The following CAMTA1 variants were observed in gnomAD, a reference collection of about 807,000 sequenced individuals.
The protein encoded by CAMTA1 is calmodulin-binding transcription activator 1.
CAMTA1 carries 27 observed loss-of-function variants against 170.9 expected under a neutral mutation model. The observed-to-expected ratio is 0.16, with a 90% CI of 0.12 to 0.22. CAMTA1 has a LOEUF of 0.22. CAMTA1 is among the 10% of genes least tolerant of loss of function. The probability of loss-of-function intolerance (pLI) is 1.00; values close to 1 mark genes in which losing one functional copy is unlikely to be tolerated. For synonymous variants in CAMTA1, 833 were observed against 891.5 expected (o/e 0.93, Z 1.17); for missense variants, 1,619 against 2,217.2 (o/e 0.73, Z 5.42).
At chr1:7,202,385 T>A (rs908555339) in intron 4 of CAMTA1, among the ~76,000 whole-genome samples, 2 of 152,202 alleles carry the variant, frequency 1.3e-5, no homozygotes, top group Non-Finnish European at 2.9e-5. Flanking sequence ...TACAGTTTCA[T>A]ATGAATTTTA....
At position 6,970,390 on chromosome 1, in the gene CAMTA1, C is replaced by T. The variant is rs1457588133; in HGVS notation, c.235-120914C>T. On this transcript the variant is annotated intron_variant, in intron 3 of 22. Coordinates refer to ENST00000303635, the MANE Select transcript of CAMTA1 (RefSeq NM_015215.4). This position sits in a 1 kb window ranked among gnomAD's most constrained non-coding sequence, Gnocchi z 4.4. ...CGTGGAGTGCTCACAGACAGCATTC[C>T]AGGAGGCGGAATGGGTGGCAGGGAG... Among the ~76,000 whole-genome samples the T allele has an allele frequency of 6.6e-6, 1 of 152,072 alleles. No individual in the cohort carries two copies. Among genetic ancestry groups the T allele is most frequent in the African/African-American group, 2.4e-5 (1 of 41,386 alleles).
At chr1:7,613,327 C>G (rs2095536347) in intron 6 of CAMTA1, among the ~76,000 whole-genome samples, 1 of 152,178 alleles carries the variant, frequency 6.6e-6, no homozygotes, top group Admixed American at 6.5e-5. Flanking sequence ...CAGCACTGTG[C>G]TGAGTGAGAT....
intron 6 of CAMTA1, among the ~76,000 whole-genome samples, chr1:7,594,762 A>G (rs1176984008): frequency 6.6e-6 from 1 of 152,238 alleles, no homozygotes; most frequent in Non-Finnish European, 1.5e-5. Context: ...AGAGCAACAC[A>G]TGGATTCAGA....
intron 5 of CAMTA1, among the ~76,000 whole-genome samples, chr1:7,421,028 G>A (rs1196412315): frequency 6.6e-6 from 1 of 152,246 alleles, no homozygotes; most frequent in East Asian, 1.9e-4. Flanking sequence ...CCTGAGAAAA[G>A]CAGGTGCTGC....
intron 5 of CAMTA1, among the ~76,000 whole-genome samples, chr1:7,446,176 G>T (rs1451891235): frequency 7.5e-6 from 1 of 132,602 alleles, no homozygotes; most frequent in Non-Finnish European, 1.5e-5. Context: ...TTAAAACTCT[G>T]CTGTGAAAAA....
intron 6 of CAMTA1, among the ~76,000 whole-genome samples, chr1:7,538,369 A>G (rs1420204358): frequency 6.6e-6 from 1 of 152,230 alleles, no homozygotes; most frequent in Non-Finnish European, 1.5e-5. Context: ...CATTAAAAAA[A>G]AAATACCCAG....
At chr1:6,879,725 C>T (rs965930554) in intron 3 of CAMTA1, among the ~76,000 whole-genome samples, 3 of 151,350 alleles carry the variant, frequency 2.0e-5, no homozygotes, top group African/African-American at 7.3e-5. Context: ...AACTCCTAGG[C>T]CCAAGCAGGC....
At chr1:6,994,816 C>T (rs1477501726) in intron 3 of CAMTA1, among the ~76,000 whole-genome samples, 3 of 152,054 alleles carry the variant, frequency 2.0e-5, no homozygotes, top group Non-Finnish European at 2.9e-5. Flanking sequence ...TACAGGCGTG[C>T]ACCACCATGC....
At chr1:7,614,198 G>T (rs916751102) in intron 6 of CAMTA1, among the ~76,000 whole-genome samples, 11 of 152,086 alleles carry the variant, frequency 7.2e-5, no homozygotes, top group African/African-American at 2.4e-4. Flanking sequence ...CTGAGTCCAG[G>T]TCAGGTTTGG....
At chr1:6,809,000 G>A (rs1266087703) in intron 1 of CAMTA1, among the ~76,000 whole-genome samples, 1 of 151,620 alleles carries the variant, frequency 6.6e-6, no homozygotes, top group African/African-American at 2.4e-5. Flanking sequence ...GGCTGCAAAG[G>A]TACCACTGTT....
chr1:7,469,957 C>T (rs954448048), intron 6 of CAMTA1, among the ~76,000 whole-genome samples: 18 of 152,240 alleles, frequency 1.2e-4, no homozygotes, highest in Admixed American at 3.9e-4. Flanking sequence ...CCTCCGTATG[C>T]TGGAGGCATA....
intron 6 of CAMTA1, among the ~76,000 whole-genome samples, chr1:7,469,924 T>A (rs965511728): frequency 2.0e-5 from 3 of 152,204 alleles, no homozygotes; most frequent in Non-Finnish European, 4.4e-5. Flanking sequence ...CAGCCCTCCC[T>A]CACTGGCGCT....
chr1:6,974,352 A>G (rs1355008653), intron 3 of CAMTA1, among the ~76,000 whole-genome samples: 2 of 152,238 alleles, frequency 1.3e-5, no homozygotes, highest in Non-Finnish European at 2.9e-5. Flanking sequence ...CACTTGGACC[A>G]ATAATTCTGC....
At chr1:7,428,805 T>C (rs914000880) in intron 5 of CAMTA1, among the ~76,000 whole-genome samples, 1 of 151,918 alleles carries the variant, frequency 6.6e-6, no homozygotes, top group Non-Finnish European at 1.5e-5. Flanking sequence ...GGCCTTTGCA[T>C]ATTGGTTTCG....
intron 1 of CAMTA1, among the ~76,000 whole-genome samples, chr1:6,795,145 A>G (rs1392217603): frequency 6.6e-6 from 1 of 152,168 alleles, no homozygotes; most frequent in Admixed American, 6.5e-5. Flanking sequence ...AGACACAACT[A>G]GTCATCACCT....
At chr1:7,011,363 A>C (rs1699757267) in intron 3 of CAMTA1, among the ~76,000 whole-genome samples, 1 of 152,020 alleles carries the variant, frequency 6.6e-6, no homozygotes, top group Non-Finnish European at 1.5e-5. Flanking sequence ...TAACTACTTT[A>C]AAAAACCCTT....
rs1470645051 is a variant in CAMTA1 at position 6,899,550 on chromosome 1, GCGCGCACACACACA to G, written c.234+74342_234+74355del. Among the ~76,000 whole-genome samples the G allele has an allele frequency of 7.6e-3, 645 of 85,198 alleles. 7 individuals carry two copies. The highest frequency in any genetic ancestry group is 0.026 in the African/African-American group (630 of 24,328). 55.9% of individuals were successfully genotyped at this position (85,198 alleles called of 152,430 possible). ...TTATATGTGTATAACGCGCACGCGC[GCGCGCACACACACA>G]CACACACACACACACACACACACAC... On this transcript the variant is annotated intron_variant, in intron 3 of 22. Coordinates refer to ENST00000303635, the MANE Select transcript of CAMTA1 (RefSeq NM_015215.4).
Position 7,674,166 on chromosome 1 carries a change from G to A in CAMTA1, c.2779+3129G>A, listed in dbSNP as rs144055154. ...CAACACAGTTGGCCAATGCCCACCC[G>A]TCTCCCAACACACCTGCCCAAGCAA... On this transcript the variant is annotated intron_variant, in intron 10 of 22. Transcript: ENST00000303635. The surrounding 1 kb of genome is among the most constrained non-coding windows in gnomAD (Gnocchi z 4.1). 1.1e-3 allele frequency among the ~76,000 whole-genome samples: 174 copies of A among 152,320 alleles called. 1 individual carries two copies. The highest frequency in any genetic ancestry group is 3.4e-3 in the Middle Eastern group (1 of 294).
intron 6 of CAMTA1, among the ~76,000 whole-genome samples, chr1:7,578,354 GC>G (rs1023805890): frequency 6.6e-6 from 1 of 152,214 alleles, no homozygotes; most frequent in African/African-American, 2.4e-5. Context: ...CCTCCAGGGA[GC>G]CGGGAGCACC....
Sources: gnomAD v4.1 joint callset for allele counts (sites outside exome capture counted in the v4.1 genomes callset) on GRCh38, gnomAD v4.1.1 for gene constraint, Gnocchi (gnomAD v3.1) non-coding constraint, MANE v1.5 for transcripts, NCBI Gene and HGNC (gene_info 2026-07-23, HGNC 2026-07-21) for gene names.